DMD: variants seen among roughly 807,000 people sequenced by gnomAD.
The protein encoded by DMD is mutant dystrophin.
DMD carries 63 observed loss-of-function variants against 330.1 expected under a neutral mutation model. The observed-to-expected ratio is 0.19, with a 90% CI of 0.16 to 0.24. The LOEUF (loss-of-function observed/expected upper bound fraction) is 0.24, where lower values mean the gene tolerates loss of function less well. Ranked by LOEUF, DMD falls within the 10% of genes least tolerant of loss-of-function variation. The probability of loss-of-function intolerance (pLI) is 1.00; values close to 1 mark genes in which losing one functional copy is unlikely to be tolerated. For missense variants in DMD, 3,344 were observed against 2,684.1 expected (o/e 1.25, Z -5.43); for synonymous variants, 1,223 against 959.8 (o/e 1.27, Z -5.07).
At chrX:31,877,641 A>G (rs1016618624) in intron 47 of DMD, among the ~76,000 whole-genome samples, 4 of 106,974 alleles carry the variant, frequency 3.7e-5, no homozygotes, top group African/African-American at 1.0e-4. Flanking sequence ...GTTCACATCC[A>G]TAACTACACC....
intron 44 of DMD, among the ~76,000 whole-genome samples, chrX:32,116,280 C>A (rs1362426591): frequency 8.9e-6 from 1 of 112,048 alleles, no homozygotes; most frequent in East Asian, 2.8e-4. Flanking sequence ...CCATGCCAAT[C>A]CACCCAATCT....
intron 44 of DMD, among the ~76,000 whole-genome samples, chrX:32,013,042 T>A (rs1286807441): frequency 3.7e-5 from 4 of 109,426 alleles, no homozygotes; most frequent in African/African-American, 1.0e-4. Flanking sequence ...TTTTTCTCCA[T>A]GAAGCCTTCC....
chrX:32,217,760 C>T (rs1207495956), intron 43 of DMD, among the ~76,000 whole-genome samples: 2 of 111,294 alleles, frequency 1.8e-5, no homozygotes, highest in African/African-American at 6.5e-5. Flanking sequence ...CCCATAAATA[C>T]ATATAGTTAT....
intron 44 of DMD, among the ~76,000 whole-genome samples, chrX:32,143,839 C>T (rs1454085039): frequency 9.1e-6 from 1 of 110,107 alleles, no homozygotes; most frequent in Non-Finnish European, 1.9e-5. Flanking sequence ...CGTGAGCCAC[C>T]GTGCCCGGCC....
At chrX:32,954,549 T>A (rs1001910096) in intron 2 of DMD, among the ~76,000 whole-genome samples, 1 of 112,413 alleles carries the variant, frequency 8.9e-6, no homozygotes, top group Admixed American at 9.5e-5. Flanking sequence ...TCTTTGTTTT[T>A]AACTTTTAAG....
At chrX:31,668,433 T>C (rs1328413669) in intron 53 of DMD, among the ~76,000 whole-genome samples, 1 of 110,690 alleles carries the variant, frequency 9.0e-6, no homozygotes, top group Non-Finnish European at 1.9e-5. Flanking sequence ...ATATTATTAT[T>C]ATAAAGTTTA....
intron 34 of DMD, among the ~76,000 whole-genome samples, chrX:32,374,147 T>G (rs186085666): frequency 3.0e-4 from 33 of 111,320 alleles, no homozygotes; most frequent in African/African-American, 1.0e-3. Context: ...GTTTTTAATC[T>G]GTTTTTTTTT....
rs141882219 is a variant in DMD at position 32,336,624 on chromosome X, T to G, written c.5922+5476A>C. ...GAACGAGCAGTCTTAAACTCCGAAT[T>G]TGCATACATAAGTATAGGGAATATA... On this transcript the variant is annotated intron_variant, in intron 41 of 78. Transcript: ENST00000357033. Among the ~76,000 whole-genome samples, 433 of 111,682 alleles carry G rather than the reference T, an allele frequency of 3.9e-3. 16 individuals are homozygous for G. In the East Asian group the frequency reaches 0.11, roughly 27 times the overall value.
rs2097898114 is a variant in DMD, at chrX:32,375,436, T to C, written c.4845+5074A>G. Among the ~76,000 whole-genome samples the C allele has an allele frequency of 2.7e-5, 3 of 112,096 alleles. No individual in the cohort carries two copies. The South Asian group carries it at 1.1e-3, about 41-fold the overall frequency. On this transcript the variant is annotated intron_variant, in intron 34 of 78. Coordinates refer to ENST00000357033, the MANE Select transcript of DMD (RefSeq NM_004006.3). ...CACGAAGTGGGTGTTCCTTAATTAC[T>C]AAGCGTTATCTTACAGAACCTGGCT...
At chrX:31,718,360 G>C (rs1202882143) in intron 52 of DMD, among the ~76,000 whole-genome samples, 1 of 110,916 alleles carries the variant, frequency 9.0e-6, no homozygotes, top group Non-Finnish European at 1.9e-5. Context: ...CTTATAGCTA[G>C]CAGGGCACTA....
chrX:31,386,301 A>G (rs2060442241), intron 60 of DMD, among the ~76,000 whole-genome samples: 1 of 111,369 alleles, frequency 9.0e-6, no homozygotes, highest in African/African-American at 3.3e-5. Flanking sequence ...GGTGCAGCAC[A>G]CCAACATGGC....
intron 45 of DMD, among the ~76,000 whole-genome samples, chrX:31,951,520 A>T (rs1299878050): frequency 1.8e-5 from 2 of 108,976 alleles, no homozygotes; most frequent in African/African-American, 6.7e-5. Flanking sequence ...GTAATTTTAA[A>T]TTTTGTTTTT....
chrX:31,937,898 A>G (rs775648757), intron 45 of DMD, among the ~76,000 whole-genome samples: 5 of 110,846 alleles, frequency 4.5e-5, no homozygotes, highest in Admixed American at 9.7e-5. Context: ...GCATTTCAAT[A>G]CATTTAGACA....
intron 7 of DMD, among the ~76,000 whole-genome samples, chrX:32,780,304 G>T (rs2074593602): frequency 1.8e-5 from 2 of 112,167 alleles, no homozygotes; most frequent in Admixed American, 1.9e-4. Flanking sequence ...ATGCCCGACA[G>T]AACTATTTAG....
At chrX:32,928,943 T>C (rs1489225355) in intron 2 of DMD, among the ~76,000 whole-genome samples, 2 of 111,913 alleles carry the variant, frequency 1.8e-5, no homozygotes, top group Admixed American at 9.5e-5. Context: ...TCCAAAAACA[T>C]TTACCCATAA....
At chrX:31,700,006 T>C (rs1242648657) in intron 52 of DMD, among the ~76,000 whole-genome samples, 3 of 110,457 alleles carry the variant, frequency 2.7e-5, no homozygotes, top group African/African-American at 9.9e-5. Context: ...GCCAAGATGG[T>C]GAAACCCTGT....
At chrX:32,618,289 A>C (rs988826162) in intron 11 of DMD, among the ~76,000 whole-genome samples, 2 of 112,651 alleles carry the variant, frequency 1.8e-5, no homozygotes, top group African/African-American at 6.4e-5. Context: ...AAACTGGATA[A>C]AGAAAATGTG....
At chrX:31,880,291 T>A (rs774105184) in intron 47 of DMD, among the ~76,000 whole-genome samples, 13 of 111,809 alleles carry the variant, frequency 1.2e-4, no homozygotes, top group African/African-American at 3.9e-4. Context: ...GAATATAATA[T>A]GCGTATTCAC....
chrX:31,186,693 A>G (rs1569435253), intron 67 of DMD, among the ~76,000 whole-genome samples: 2 of 112,716 alleles, frequency 1.8e-5, no homozygotes, highest in Admixed American at 9.3e-5. Flanking sequence ...TTCTCTGTGT[A>G]GAGTTCCATC....
Sources: allele counts gnomAD v4.1 joint callset (sites outside exome capture counted in the v4.1 genomes callset), GRCh38; gene constraint gnomAD v4.1.1; transcripts MANE v1.5; gene names NCBI Gene and HGNC (gene_info 2026-07-23, HGNC 2026-07-21).